Variants in HMCN1 observed in about 807,000 individuals in gnomAD.
HMCN1 encodes the protein hemicentin 1.
A neutral mutation model predicts 625.9 loss-of-function variants in HMCN1; 321 were observed. That is an observed-to-expected ratio of 0.51 (90% CI 0.47 to 0.56). The LOEUF (loss-of-function observed/expected upper bound fraction) is 0.56, where lower values mean the gene tolerates loss of function less well. HMCN1 is among the 20% of genes least tolerant of loss of function. The pLI is 0.00. For missense variants in HMCN1, 6,588 were observed against 6,887.3 expected, an observed-to-expected ratio of 0.96 and a Z score of 1.54; for synonymous variants, 2,425 against 2,417.6, an observed-to-expected ratio of 1.00 and a Z score of -0.09.
At position 185,734,621 on chromosome 1, in the gene HMCN1, C is replaced by T. The variant is rs1653419561; in HGVS notation, c.-159C>T. 1.7e-5 allele frequency: 12 copies of T among 702,996 alleles called. 1 individual carries two copies. In the East Asian group the frequency reaches 3.1e-4, roughly 18 times the overall value. 43.5% of individuals were successfully genotyped at this position (702,996 alleles called of 1,614,324 possible). On this transcript the variant is annotated 5_prime_UTR_variant, in exon 1 of 107. Transcript: ENST00000271588. ...CCCCTGGAGGGATTCGAGTTTGGTG[C>T]TTGTCCCCGTCTGATTCTCAGCGCC...
chr1:185,776,407 G>GATTA (rs1432930503), intron 1 of HMCN1, among the ~76,000 whole-genome samples: 1 of 151,582 alleles, frequency 6.6e-6, no homozygotes, highest in Non-Finnish European at 1.5e-5. Flanking sequence ...ATCAGGTGGT[G>GATTA]ATTAACTTTA....
chr1:185,814,063 G>A (rs1271950236), intron 1 of HMCN1, among the ~76,000 whole-genome samples: 1 of 152,108 alleles, frequency 6.6e-6, no homozygotes, highest in African/African-American at 2.4e-5. Flanking sequence ...TTTCCTCTGA[G>A]TGATAGGAAT....
intron 44 of HMCN1, among the ~76,000 whole-genome samples, chr1:186,054,214 C>G (rs1657154199): frequency 6.6e-6 from 1 of 151,926 alleles, no homozygotes; most frequent in African/African-American, 2.4e-5. Flanking sequence ...CAATGACAGA[C>G]ACATCAATGT....
At chr1:186,006,853 C>G (rs995586164) in intron 29 of HMCN1, among the ~76,000 whole-genome samples, 1 of 151,404 alleles carries the variant, frequency 6.6e-6, no homozygotes, top group Non-Finnish European at 1.5e-5. Context: ...ATGAATAAAA[C>G]AAATAATGAC....
At chr1:186,121,207 G>T (rs1372669859) in intron 80 of HMCN1, among the ~76,000 whole-genome samples, 3 of 152,164 alleles carry the variant, frequency 2.0e-5, no homozygotes, top group Non-Finnish European at 2.9e-5. Flanking sequence ...AGGGAGATCA[G>T]AAAAGTAGGC....
intron 11 of HMCN1, among the ~76,000 whole-genome samples, chr1:185,959,750 G>A (rs1006016599): frequency 6.6e-6 from 1 of 151,954 alleles, no homozygotes; most frequent in Non-Finnish European, 1.5e-5. Flanking sequence ...ATTGAACTCC[G>A]GACTTCTAAA....
chr1:185,865,659 TA>T, intron 3 of HMCN1, 81 bp from the exon 4 acceptor site: 1 of 1,168,910 alleles, frequency 8.6e-7, no homozygotes, highest in Non-Finnish European at 1.2e-6. Context: ...CCCAGTAATG[TA>T]ACACAATAGG....
chr1:185,928,101 T>C (rs187463647), intron 9 of HMCN1, among the ~76,000 whole-genome samples: 39 of 152,278 alleles, frequency 2.6e-4, no homozygotes, highest in Non-Finnish European at 2.9e-4. Context: ...TAAAAGAAAG[T>C]TAAGGAGAAT....
chr1:185,743,597 C>A (rs1654137612), intron 1 of HMCN1, among the ~76,000 whole-genome samples: 1 of 152,196 alleles, frequency 6.6e-6, no homozygotes, highest in Admixed American at 6.5e-5. Context: ...CACTGTGCAA[C>A]CAGAGGATCC....
intron 1 of HMCN1, among the ~76,000 whole-genome samples, chr1:185,757,770 C>T (rs1655228067): frequency 1.3e-5 from 2 of 152,266 alleles, no homozygotes; most frequent in East Asian, 1.9e-4. Context: ...TGGCACAATG[C>T]ATGAATGAAT....
intron 89 of HMCN1, among the ~76,000 whole-genome samples, chr1:186,141,977 T>A (rs72707455): frequency 0.013 from 1,973 of 152,332 alleles, 16 homozygotes; most frequent in Middle Eastern, 0.037. Flanking sequence ...TCTTACCTAC[T>A]AATCCCTCTG....
intron 30 of HMCN1, 60 bp from the exon 31 acceptor site, chr1:186,015,099 A>C: frequency 6.9e-7 from 1 of 1,443,614 alleles, no homozygotes; most frequent in South Asian, 1.1e-5. Flanking sequence ...ATAGCATTTA[A>C]GATTTTGATG....
chr1:185,854,071 G>A (rs535978152), intron 2 of HMCN1, among the ~76,000 whole-genome samples: 1 of 152,300 alleles, frequency 6.6e-6, no homozygotes, highest in African/African-American at 2.4e-5. Context: ...TGATGGTAAG[G>A]ATGGAGATCA....
chr1:185,896,035 G>A (rs6686816), intron 4 of HMCN1, among the ~76,000 whole-genome samples: 22,678 of 151,334 alleles, frequency 0.15, 5,564 homozygotes, highest in African/African-American at 0.51. Context: ...TCCCAGGTTC[G>A]CACCATTCTC....
At chr1:185,854,647 A>AT (rs1343516667) in intron 2 of HMCN1, among the ~76,000 whole-genome samples, 1 of 152,080 alleles carries the variant, frequency 6.6e-6, no homozygotes, top group Non-Finnish European at 1.5e-5. Context: ...ATTCATGGTG[A>AT]TTTTTTAAAA....
chr1:186,128,557 G>A (rs1661765319), intron 83 of HMCN1, among the ~76,000 whole-genome samples: 2 of 151,916 alleles, frequency 1.3e-5, no homozygotes, highest in South Asian at 2.1e-4. Context: ...CTTACCCCAT[G>A]AGAAGGCAGT....
intron 1 of HMCN1, among the ~76,000 whole-genome samples, chr1:185,833,751 T>TA (rs1661012394): frequency 6.6e-6 from 1 of 152,118 alleles, no homozygotes; most frequent in Admixed American, 6.6e-5. Context: ...TATAATATTT[T>TA]AAGGATTTTA....
intron 16 of HMCN1, among the ~76,000 whole-genome samples, chr1:185,979,869 A>C (rs1289560483): frequency 6.6e-6 from 1 of 152,054 alleles, no homozygotes; most frequent in African/African-American, 2.4e-5. Flanking sequence ...ATATATTTAC[A>C]AGATTATACC....
chr1:186,094,124 C>A (rs1659998098), intron 66 of HMCN1, 152 bp from the exon 67 acceptor site: 4 of 690,112 alleles, frequency 5.8e-6, no homozygotes, highest in Non-Finnish European at 7.8e-6. Context: ...GCATTTGAGG[C>A]CCCTATATTT....
Sources: allele counts gnomAD v4.1 joint callset (sites outside exome capture counted in the v4.1 genomes callset), GRCh38; gene constraint gnomAD v4.1.1; transcripts MANE v1.5; gene names NCBI Gene and HGNC (gene_info 2026-07-23, HGNC 2026-07-21).